Variants in BICDL1 observed in about 807,000 individuals in gnomAD.
BICDL1 encodes BICD family like cargo adaptor 1, also known as BICD family-like cargo adapter 1.
In BICDL1, 20 loss-of-function variants were observed where a neutral mutation model predicts 76.8. That is an observed-to-expected ratio of 0.26 (90% CI 0.18 to 0.38). The LOEUF (loss-of-function observed/expected upper bound fraction) is 0.38. BICDL1 is among the 10% of genes least tolerant of loss of function. The probability of loss-of-function intolerance (pLI) is 1.00; values close to 1 mark genes in which losing one functional copy is unlikely to be tolerated. For missense variants in BICDL1, 700 were observed against 798.6 expected (o/e 0.88, Z 1.49); for synonymous variants, 383 against 337.1 (o/e 1.14, Z -1.49).
intron 2 of BICDL1, among the ~76,000 whole-genome samples, chr12:120,059,091 A>AT (rs1010835522): frequency 2.7e-5 from 4 of 150,244 alleles, no homozygotes; most frequent in African/African-American, 2.4e-5. Flanking sequence ...TTTTTTATTA[A>AT]TTTTTTTTAA....
At chr12:120,034,821 GT>G (rs1952499019) in intron 2 of BICDL1, among the ~76,000 whole-genome samples, 1 of 152,194 alleles carries the variant, frequency 6.6e-6, no homozygotes, top group Admixed American at 6.5e-5. Flanking sequence ...TCCATAGGCA[GT>G]TCACAACACA....
At chr12:120,074,629 T>A (rs1452869714) in intron 7 of BICDL1, 43 bp downstream of exon 7, 1 of 1,052,826 alleles carries the variant, frequency 9.5e-7, no homozygotes, top group African/African-American at 1.7e-5. Flanking sequence ...CATGTGCACC[T>A]GCCCCTGGCT....
chr12:120,090,980 G>C, intron 9 of BICDL1: 1 of 1,288,740 alleles, frequency 7.8e-7, no homozygotes, highest in Non-Finnish European at 1.0e-6. Flanking sequence ...CTCAGTTCCC[G>C]TATCAACAGC....
chr12:120,055,382 G>C (rs963765584), intron 2 of BICDL1, among the ~76,000 whole-genome samples: 1 of 152,140 alleles, frequency 6.6e-6, no homozygotes. Flanking sequence ...TCTAGTTTGG[G>C]GGAATGTTCA....
chr12:120,057,820 T>C (rs1290006573), intron 2 of BICDL1, among the ~76,000 whole-genome samples: 4 of 67,014 alleles, frequency 6.0e-5, no homozygotes, highest in African/African-American at 1.2e-4. Context: ...GATTCCTGCT[T>C]TTTTTTTTTT....
chr12:120,064,647 C>T (rs1953180798), intron 3 of BICDL1, 86 bp from the exon 4 acceptor site: 2 of 1,352,756 alleles, frequency 1.5e-6, no homozygotes, highest in Non-Finnish European at 2.0e-6. Context: ...AGATACTTGC[C>T]TTCATGTTTT....
chr12:119,996,807 C>T (rs1951657028), intron 1 of BICDL1, among the ~76,000 whole-genome samples: 1 of 152,138 alleles, frequency 6.6e-6, no homozygotes, highest in South Asian at 2.1e-4. Flanking sequence ...TTTCTGAGAG[C>T]ATCAAAAGTT....
chr12:120,038,264 A>G (rs1423848580), intron 2 of BICDL1, among the ~76,000 whole-genome samples: 1 of 152,198 alleles, frequency 6.6e-6, no homozygotes, highest in Non-Finnish European at 1.5e-5. Context: ...CCGTAACTAC[A>G]CCTTTTCCCT....
chr12:120,084,985 A>G (rs746023534), intron 8 of BICDL1, among the ~76,000 whole-genome samples: 37 of 150,226 alleles, frequency 2.5e-4, no homozygotes, highest in Admixed American at 2.3e-3. Flanking sequence ...CATTATCTCT[A>G]TTTCCGTTTT....
At chr12:120,004,356 C>T (rs1951814465) in intron 2 of BICDL1, among the ~76,000 whole-genome samples, 1 of 152,104 alleles carries the variant, frequency 6.6e-6, no homozygotes, top group Non-Finnish European at 1.5e-5. Context: ...CTCCCTAATA[C>T]CCAAAGAGAG....
rs10566467 is a variant in BICDL1 at position 120,083,629 on chromosome 12, G to GTATTTATTTATT, written c.1583+2649_1583+2660dup. On this transcript the variant is annotated intron_variant, in intron 8 of 9. Transcript: ENST00000548673. ...GGTCATTTACAAAATATTAATAGTA[G>GTATTTATTTATT]TATTTATTTATTTATTTATTTATTT... 4.7e-4 allele frequency among the ~76,000 whole-genome samples: 68 copies of GTATTTATTTATT among 145,206 alleles called. 1 individual carries two copies. Among genetic ancestry groups the GTATTTATTTATT allele is most frequent in the East Asian group, 1.2e-3 (6 of 4,884 alleles).
intron 2 of BICDL1, among the ~76,000 whole-genome samples, chr12:120,025,799 T>C (rs1047891619): frequency 3.9e-5 from 6 of 152,164 alleles, no homozygotes; most frequent in Non-Finnish European, 7.4e-5. Flanking sequence ...AGTATTGTGG[T>C]ATATATTTCT....
chr12:120,064,892 A>G lies in BICDL1; in HGVS notation c.909+13A>G. 1 of 1,596,882 alleles carries G rather than the reference A, an allele frequency of 6.3e-7. No individual in the cohort carries two copies. The highest frequency in any genetic ancestry group is 8.5e-7 in the Non-Finnish European group (1 of 1,174,092). On this transcript the variant is annotated intron_variant, in intron 4 of 9. Coordinates refer to ENST00000548673, the MANE Select transcript of BICDL1 (RefSeq NM_001367886.1). ...CAAGGACCTACAGGTACTGGGGTAGAGAAGCTGTCCTGCAGGACTAGAGCC... is the reference window on the plus strand; with the variant it reads ...CAAGGACCTACAGGTACTGGGGTAGGGAAGCTGTCCTGCAGGACTAGAGCC...
intron 1 of BICDL1, among the ~76,000 whole-genome samples, chr12:119,998,274 TAAGAATA>T (rs1951692328): frequency 1.3e-5 from 2 of 152,202 alleles, no homozygotes; most frequent in South Asian, 4.1e-4. Context: ...TGCCTAAGGA[TAAGAATA>T]AACATAATAA....
intron 1 of BICDL1, among the ~76,000 whole-genome samples, chr12:119,996,603 C>G (rs1338591085): frequency 7.9e-6 from 1 of 126,292 alleles, no homozygotes; most frequent in Non-Finnish European, 1.5e-5. Flanking sequence ...CATTTTAGTT[C>G]ATTCAGTCTC....
Position 120,093,945 on chromosome 12 carries a change from G to C in BICDL1, c.*784G>C, listed in dbSNP as rs1381054386. 3.1e-6 allele frequency: 1 copy of C among 322,272 alleles called. No individual in the cohort carries two copies. Among genetic ancestry groups the C allele is most frequent in the Non-Finnish European group, 6.2e-6 (1 of 161,324 alleles). The allele number at this position is 322,272 out of a possible 1,614,324, so 20.0% of individuals were successfully genotyped here. On this transcript the variant is annotated 3_prime_UTR_variant, in exon 10 of 10. Coordinates refer to ENST00000548673, the MANE Select transcript of BICDL1 (RefSeq NM_001367886.1). ...CCTGCTCAGGGCTGGGGTTGGACGGGGTCTCCTCCTCCCACAGCTCCCTCC... is the reference window on the plus strand; with the variant it reads ...CCTGCTCAGGGCTGGGGTTGGACGGCGTCTCCTCCTCCCACAGCTCCCTCC...
intron 2 of BICDL1, among the ~76,000 whole-genome samples, chr12:120,042,284 G>A (rs1339766489): frequency 6.6e-6 from 1 of 152,158 alleles, no homozygotes; most frequent in East Asian, 1.9e-4. Context: ...AGAGTCCACA[G>A]GATGTGTGGA....
intron 2 of BICDL1, among the ~76,000 whole-genome samples, chr12:120,011,339 T>G (rs1382806324): frequency 6.6e-6 from 1 of 152,176 alleles, no homozygotes; most frequent in Non-Finnish European, 1.5e-5. Context: ...AGAAATGGGT[T>G]GGTGAACAAC....
intron 8 of BICDL1, among the ~76,000 whole-genome samples, chr12:120,088,481 C>T (rs1566271977): frequency 6.6e-6 from 1 of 151,544 alleles, no homozygotes; most frequent in Admixed American, 6.6e-5. Flanking sequence ...CTCAGCCTCC[C>T]GAGTAGCTGG....
Sources: gnomAD v4.1 joint callset for allele counts (sites outside exome capture counted in the v4.1 genomes callset) on GRCh38, gnomAD v4.1.1 for gene constraint, MANE v1.5 for transcripts, NCBI Gene and HGNC (gene_info 2026-07-23, HGNC 2026-07-21) for gene names.